Variants in C11orf54 observed in about 807,000 individuals in gnomAD.
The protein encoded by C11orf54 is beta-keto L-gulonate decarboxylase.
Under a neutral mutation model 35.5 loss-of-function variants are expected in C11orf54, and 29 were observed. The observed-to-expected ratio is 0.82, with a 90% CI of 0.61 to 1.11. C11orf54 has a LOEUF of 1.11. Ranked by LOEUF, C11orf54 falls within the 50% of genes most tolerant of loss-of-function variation. The pLI, the probability that C11orf54 is intolerant of heterozygous loss-of-function variation, is 0.00. For synonymous variants in C11orf54, 108 were observed against 121.1 expected (o/e 0.89, Z 0.71); for missense variants, 373 against 369.2 (o/e 1.01, Z -0.08).
chr11:93,747,403 G>A lies in C11orf54; in HGVS notation c.10G>A (p.Ala4Thr). ...CTAAAGAAGAAAGAAAATGGCTTGT[G>A]CTGAGTTTTCTTTTCATGTACCAAG... MAC[A>T]EFSFHVPSLE... Residue 4 changes from alanine to threonine, a missense_variant, in exon 2 of 9, where the codon GCT (alanine) becomes ACT (threonine). Transcript: ENST00000354421. 1 of 1,600,066 alleles carries A rather than the reference G, an allele frequency of 6.2e-7. No individual in the cohort carries two copies. The highest frequency in any genetic ancestry group is 1.4e-5 in the African/African-American group (1 of 73,898).
Position 93,762,749 on chromosome 11 carries a change from C to T in C11orf54, c.*1061C>T, listed in dbSNP as rs1160263924. Reference sequence around the variant, plus strand: ...TGCAAGAGAAGGGGTAAAAAAACAGCATCAGAGTGCAACACTGAAGTGAGC... The same window carrying T: ...TGCAAGAGAAGGGGTAAAAAAACAGTATCAGAGTGCAACACTGAAGTGAGC... On this transcript the variant is annotated 3_prime_UTR_variant, in exon 9 of 9. Transcript: ENST00000354421. The T allele has an allele frequency of 6.6e-6, 1 of 152,196 alleles. No individual in the cohort carries two copies. The highest frequency in any genetic ancestry group is 1.5e-5 in the Non-Finnish European group (1 of 68,032). The allele number at this position is 152,196 out of a possible 1,614,324, so 9.4% of individuals were successfully genotyped here.
intron 3 of C11orf54, among the ~76,000 whole-genome samples, chr11:93,750,881 A>T (rs1479913755): frequency 6.6e-6 from 1 of 152,262 alleles, no homozygotes; most frequent in Non-Finnish European, 1.5e-5. Flanking sequence ...GTTTGAAGTG[A>T]GAAGGAAGGG....
At chr11:93,760,739 A>G (rs752766680) in intron 8 of C11orf54, among the ~76,000 whole-genome samples, 1 of 151,860 alleles carries the variant, frequency 6.6e-6, no homozygotes, top group Non-Finnish European at 1.5e-5. Context: ...GCTCACTGCA[A>G]CCTCCGCCTC....
chr11:93,761,097 C>T (rs895091887), intron 8 of C11orf54, among the ~76,000 whole-genome samples: 44 of 152,040 alleles, frequency 2.9e-4, no homozygotes, highest in African/African-American at 9.9e-4. Context: ...ATGCAAGTGT[C>T]AGTTGAGAAG....
chr11:93,759,430 G>C (rs1565274823), intron 7 of C11orf54, among the ~76,000 whole-genome samples: 1 of 152,144 alleles, frequency 6.6e-6, no homozygotes, highest in Non-Finnish European at 1.5e-5. Flanking sequence ...TCACTCATAA[G>C]TGGGTTGTTG....
At chr11:93,760,839 A>T (rs611762) in intron 8 of C11orf54, among the ~76,000 whole-genome samples, 1 of 151,110 alleles carries the variant, frequency 6.6e-6, no homozygotes, top group Admixed American at 6.6e-5. Flanking sequence ...TTGTATTTTC[A>T]GTAGAGACAG....
intron 7 of C11orf54, among the ~76,000 whole-genome samples, chr11:93,758,638 A>G (rs1165494930): frequency 6.6e-6 from 1 of 152,222 alleles, no homozygotes; most frequent in Non-Finnish European, 1.5e-5. Flanking sequence ...CCAGGTGTGC[A>G]CACGCTCAGG....
intron 1 of C11orf54, among the ~76,000 whole-genome samples, chr11:93,745,301 C>T (rs976916168): frequency 2.6e-5 from 4 of 152,166 alleles, no homozygotes; most frequent in African/African-American, 9.7e-5. Context: ...CAGGCTGTCT[C>T]AGTGGGGGGA....
chr11:93,761,246 T>C (rs915421687), intron 8 of C11orf54, among the ~76,000 whole-genome samples: 3 of 152,142 alleles, frequency 2.0e-5, no homozygotes, highest in African/African-American at 4.8e-5. Context: ...ATACTACATT[T>C]GAGTAAAAAT....
intron 8 of C11orf54, among the ~76,000 whole-genome samples, chr11:93,760,843 G>GA (rs1262109706): frequency 6.6e-6 from 1 of 151,638 alleles, no homozygotes; most frequent in Non-Finnish European, 1.5e-5. Context: ...ATTTTCAGTA[G>GA]AGACAGGGTT....
rs544681694 is a variant in C11orf54, at chr11:93,762,577, C to A, written c.*889C>A. 2.0e-5 allele frequency: 3 copies of A among 152,222 alleles called. No individual in the cohort carries two copies. Among genetic ancestry groups the A allele is most frequent in the Admixed American group, 2.0e-4 (3 of 15,290 alleles). The allele number at this position is 152,222 out of a possible 1,614,324, so 9.4% of individuals were successfully genotyped here. On this transcript the variant is annotated 3_prime_UTR_variant, in exon 9 of 9. Transcript: ENST00000354421. ...GCCTGAGCCTAGGAGTTTAAACCAG[C>A]CTGGGCACCATGGTGAGACCCCATC...
At chr11:93,761,396 C>T (rs1943461034) in intron 8 of C11orf54, 119 bp from the exon 9 acceptor site, 3 of 891,502 alleles carry the variant, frequency 3.4e-6, no homozygotes, top group South Asian at 2.0e-5. Flanking sequence ...GAATTTAGAA[C>T]ATGTGAATGT....
At chr11:93,741,764 CAAA>C (rs1211294661) in intron 1 of C11orf54, 36 bp downstream of exon 1, 1 of 303,342 alleles carries the variant, frequency 3.3e-6, no homozygotes, top group East Asian at 1.1e-4. Flanking sequence ...CGGCAAATAA[CAAA>C]AACAAAACGT....
Position 93,747,357 on chromosome 11 carries a change from T to C in C11orf54, c.-37T>C, listed in dbSNP as rs376747508. The stretch of plus-strand genomic sequence containing the variant: ...CTTGTGATAATTAACCAAGAGTAGC[T>C]CTATTTGTCCAACCTCACACCTAAA... On this transcript the variant is annotated 5_prime_UTR_variant, in exon 2 of 9. Transcript: ENST00000354421. 4 of 1,529,234 alleles carry C rather than the reference T, an allele frequency of 2.6e-6. No homozygotes were observed. Among genetic ancestry groups the C allele is most frequent in the Non-Finnish European group, 3.5e-6 (4 of 1,132,356 alleles). 94.7% of individuals were successfully genotyped at this position (1,529,234 alleles called of 1,614,324 possible). A position where few individuals can be genotyped will look rare whatever the true frequency, so the allele number is the denominator to read the frequency against.
In C11orf54 at chr11:93,757,369, T is replaced by C; in HGVS notation, c.561T>C (p.Cys187=). The change falls in exon 7 of 9, where the codon TGT becomes TGC. Residue 187 remains cysteine, a synonymous_variant. Transcript: ENST00000354421. ...RRTGPLNFVT[C]MRETLEKHYG... Reference sequence around the variant, plus strand: ...CTGGACCACTTAACTTTGTGACTTGTATGAGAGAGACCCTGGAAAAACATT... The same window carrying C: ...CTGGACCACTTAACTTTGTGACTTGCATGAGAGAGACCCTGGAAAAACATT... 1 of 1,598,292 alleles carries C rather than the reference T, an allele frequency of 6.3e-7. No individual in the cohort carries two copies. The highest frequency in any genetic ancestry group is 8.5e-7 in the Non-Finnish European group (1 of 1,179,772).
In C11orf54 at chr11:93,747,392, A is replaced by C. The variant is rs201272766; in HGVS notation, c.-2A>C. 61 of 1,597,948 alleles carry C rather than the reference A, an allele frequency of 3.8e-5. No homozygotes were observed. The Admixed American group carries it at 1.1e-3, about 28-fold the overall frequency. Reference sequence around the variant, plus strand: ...CAACCTCACACCTAAAGAAGAAAGAAAATGGCTTGTGCTGAGTTTTCTTTT... The same window carrying C: ...CAACCTCACACCTAAAGAAGAAAGACAATGGCTTGTGCTGAGTTTTCTTTT... On this transcript the variant is annotated 5_prime_UTR_variant, in exon 2 of 9. Coordinates refer to ENST00000354421, the MANE Select transcript of C11orf54 (RefSeq NM_001286069.2).
intron 7 of C11orf54, among the ~76,000 whole-genome samples, chr11:93,758,932 G>A (rs1217596503): frequency 6.6e-6 from 1 of 152,256 alleles, no homozygotes. Flanking sequence ...GAAACTTGTG[G>A]TGCTTTTTCC....
intron 5 of C11orf54, 71 bp downstream of exon 5, chr11:93,754,108 C>T: frequency 3.1e-6 from 4 of 1,273,526 alleles, no homozygotes; most frequent in Non-Finnish European, 4.5e-6. Context: ...CTTTTAGTGC[C>T]AAAAATCCTA....
At chr11:93,754,728 C>CTTTTTTTT (rs71064780) in intron 5 of C11orf54, 1 of 92,050 alleles carries the variant, frequency 1.1e-5, no homozygotes, top group Non-Finnish European at 2.0e-5. Context: ...CAATAAATAT[C>CTTTTTTTT]TTTTTTTTTT....
Sources: allele counts gnomAD v4.1 joint callset (sites outside exome capture counted in the v4.1 genomes callset), GRCh38; gene constraint gnomAD v4.1.1; transcripts MANE v1.5; gene names NCBI Gene and HGNC (gene_info 2026-07-23, HGNC 2026-07-21).